The following CCNB1 variants were observed in gnomAD, a reference collection of about 807,000 sequenced individuals.
CCNB1 encodes cyclin B1, also known as G2/mitotic-specific cyclin-B1.
Under a neutral mutation model 44.4 loss-of-function variants are expected in CCNB1, and 26 were observed. The ratio of observed to expected loss-of-function variants is 0.59; its 90% CI spans 0.43 to 0.81. The LOEUF is 0.81. Among genes scored for constraint, CCNB1 ranks in the 40% least tolerant of loss-of-function variants. The pLI is 0.00. For missense variants in CCNB1, 477 were observed against 520.9 expected (o/e 0.92, Z 0.82); for synonymous variants, 195 against 181.4 (o/e 1.08, Z -0.60).
chr5:69,171,474 T>C lies in CCNB1; in HGVS notation c.546+22T>C, dbSNP rs1747458764. The C allele has an allele frequency of 2.6e-6, 4 of 1,519,704 alleles. No individual in the cohort carries two copies. The East Asian group carries it at 9.1e-5, about 35-fold the overall frequency. The allele number at this position is 1,519,704 out of a possible 1,614,324, so 94.1% of individuals were successfully genotyped here. On this transcript the variant is annotated intron_variant, in intron 4 of 8. Transcript: ENST00000256442. ...TGAGGTAAGTATTATCATTCGTTTT[T>C]TTTCTAAACTGCATCTAACTTTATG...
chr5:69,172,642 A>G lies in CCNB1; in HGVS notation c.546+1190A>G, dbSNP rs1428189492. On this transcript the variant is annotated intron_variant, in intron 4 of 8. Transcript: ENST00000256442. ...CCTTTTTGGCCTCTCCTTTTTCTATAGGATTCTTCTGCAAGACTTCTTTGC... is the reference window on the plus strand; with the variant it reads ...CCTTTTTGGCCTCTCCTTTTTCTATGGGATTCTTCTGCAAGACTTCTTTGC... Among the ~76,000 whole-genome samples, 3 of 151,934 alleles carry G rather than the reference A, an allele frequency of 2.0e-5. No individual in the cohort carries two copies. In the East Asian group the frequency reaches 5.8e-4, roughly 29 times the overall value.
chr5:69,173,710 G>A lies in CCNB1; in HGVS notation c.547-541G>A, dbSNP rs147633887. On this transcript the variant is annotated intron_variant, in intron 4 of 8. Coordinates refer to ENST00000256442, the MANE Select transcript of CCNB1 (RefSeq NM_031966.4). ...AGCAGCAGTTGTGGTGAAGAATATC[G>A]TAAGACCTGACAATATAAAAAAGCT... 5.3e-5 allele frequency among the ~76,000 whole-genome samples: 8 copies of A among 152,116 alleles called. No homozygotes were observed. The East Asian group carries it at 1.2e-3, about 22-fold the overall frequency.
rs527340846 is a variant in CCNB1, at chr5:69,175,120, G to A, written c.942+7G>A. The A allele has an allele frequency of 1.2e-6, 2 of 1,600,572 alleles. No homozygotes were observed. Among genetic ancestry groups the A allele is most frequent in the East Asian group, 4.5e-5 (2 of 44,820 alleles). On this transcript the variant is annotated splice_region_variant and intron_variant, in intron 6 of 8. Transcript: ENST00000256442. The stretch of plus-strand genomic sequence containing the variant: ...AGCATCTAAGATTGGAGAGGTACAG[G>A]TTTCTTGAGAAACCTCTCCGTATGG...
intron 7 of CCNB1, among the ~76,000 whole-genome samples, chr5:69,176,855 T>C (rs949453189): frequency 6.6e-6 from 1 of 151,766 alleles, no homozygotes; most frequent in Non-Finnish European, 1.5e-5. Flanking sequence ...AGTGCGCGCC[T>C]GTAATCCCAG....
Position 69,167,171 on chromosome 5 carries a change from T to C in CCNB1, c.-92T>C. Reference sequence around the variant, plus strand: ...TCTCGGCGTGCTGCGGCGGAACGGCTGTTGGTTTCTGCTGGGTGTAGGTCC... The same window carrying C: ...TCTCGGCGTGCTGCGGCGGAACGGCCGTTGGTTTCTGCTGGGTGTAGGTCC... On this transcript the variant is annotated 5_prime_UTR_variant, in exon 1 of 9. Transcript: ENST00000256442. 9.4e-7 allele frequency: 1 copy of C among 1,066,328 alleles called. No individual in the cohort carries two copies. 66.1% of individuals were successfully genotyped at this position (1,066,328 alleles called of 1,614,324 possible).
chr5:69,173,231 A>G (rs3846484), intron 4 of CCNB1, among the ~76,000 whole-genome samples: 25,125 of 152,128 alleles, frequency 0.17, 2,373 homozygotes, highest in African/African-American at 0.25. Flanking sequence ...ATTTACAGAC[A>G]TAAGTATGGT....
At chr5:69,176,438 C>G (rs1252265226) in intron 7 of CCNB1, among the ~76,000 whole-genome samples, 2 of 151,784 alleles carry the variant, frequency 1.3e-5, no homozygotes, top group South Asian at 2.1e-4. Context: ...CTCACTGCAA[C>G]CTCCGCCTCC....
chr5:69,175,132 A>C lies in CCNB1; in HGVS notation c.942+19A>C, dbSNP rs758362213. The C allele has an allele frequency of 6.4e-7, 1 of 1,551,306 alleles. No homozygotes were observed. Among genetic ancestry groups the C allele is most frequent in the Non-Finnish European group, 8.9e-7 (1 of 1,125,492 alleles). ...TGGAGAGGTACAGGTTTCTTGAGAA[A>C]CCTCTCCGTATGGGTACATTAGGGG... is the stretch of plus-strand genomic sequence containing the variant. On this transcript the variant is annotated intron_variant, in intron 6 of 8. Coordinates refer to ENST00000256442, the MANE Select transcript of CCNB1 (RefSeq NM_031966.4).
At position 69,175,048 on chromosome 5, in the gene CCNB1, T is replaced by A. The variant is rs1381098282; in HGVS notation, c.877T>A (p.Leu293Ile). Residue 293 changes from leucine to isoleucine, a missense_variant, in exon 6 of 9, where the codon TTA (leucine) becomes ATA (isoleucine). Coordinates refer to ENST00000256442, the MANE Select transcript of CCNB1 (RefSeq NM_031966.4). ...RQMEMKILRA[L>I]NFGLGRPLPL... ...GATGGAAATGAAGATTCTAAGAGCT[T>A]TAAACTTTGGTCTGGGTCGGCCTCT... 1 of 1,614,168 alleles carries A rather than the reference T, an allele frequency of 6.2e-7. No homozygotes were observed. The highest frequency in any genetic ancestry group is 1.7e-5 in the Admixed American group (1 of 60,014).
At chr5:69,170,249 G>A (rs1393381127) in intron 3 of CCNB1, among the ~76,000 whole-genome samples, 29 of 152,066 alleles carry the variant, frequency 1.9e-4, no homozygotes, top group Admixed American at 1.9e-3. Flanking sequence ...CCAAAGTGCT[G>A]GGATTACAAG....
chr5:69,175,171 G>A, intron 6 of CCNB1, 58 bp downstream of exon 6: 1 of 1,294,260 alleles, frequency 7.7e-7, no homozygotes, highest in Non-Finnish European at 1.1e-6. Context: ...CACTGCTGCT[G>A]ACCAAGCACG....
intron 3 of CCNB1, among the ~76,000 whole-genome samples, 196 bp from the exon 4 acceptor site, chr5:69,171,074 A>G (rs1383667789): frequency 6.6e-6 from 1 of 152,136 alleles, no homozygotes; most frequent in Admixed American, 6.6e-5. Context: ...GCCCAACCCA[A>G]ATGATCACTT....
At chr5:69,168,389 C>T (rs1162043957) in intron 3 of CCNB1, 46 bp downstream of exon 3, 1 of 1,606,348 alleles carries the variant, frequency 6.2e-7, no homozygotes, top group East Asian at 2.2e-5. Flanking sequence ...TATTTCTTGT[C>T]CCTTATTTCA....
rs770115345 is a variant in CCNB1 at position 69,171,259 on chromosome 5, T to G, written c.364-11T>G. On this transcript the variant is annotated splice_polypyrimidine_tract_variant and intron_variant, in intron 3 of 8. Transcript: ENST00000256442. ...TCTATTTGCTATTTCAAGATATCTC[T>G]TTGTTTCAAGGTTGATACTGCCTCT... 6.3e-6 allele frequency: 10 copies of G among 1,596,780 alleles called. No individual in the cohort carries two copies. The highest frequency in any genetic ancestry group is 3.4e-6 in the Non-Finnish European group (4 of 1,172,944).
intron 3 of CCNB1, among the ~76,000 whole-genome samples, 177 bp downstream of exon 3, chr5:69,168,520 C>T (rs905127567): frequency 8.1e-6 from 1 of 122,720 alleles, no homozygotes; most frequent in African/African-American, 3.1e-5. Context: ...TTTACACGTA[C>T]TCTCTGAGGT....
At chr5:69,169,013 T>C (rs966366142) in intron 3 of CCNB1, among the ~76,000 whole-genome samples, 1 of 152,220 alleles carries the variant, frequency 6.6e-6, no homozygotes, top group Non-Finnish European at 1.5e-5. Context: ...GAAATTGCAA[T>C]GAACTGTATT....
Position 69,177,689 on chromosome 5 carries a change from C to G in CCNB1, c.*58C>G. The G allele has an allele frequency of 5.1e-6, 5 of 985,364 alleles. No individual in the cohort carries two copies. The South Asian group carries it at 5.4e-5, about 11-fold the overall frequency. 61.0% of individuals were successfully genotyped at this position (985,364 alleles called of 1,614,324 possible). ...AAATAAAATTGGCACCATGTGCCAT[C>G]TGTACATATTACTGTTGCATTTACT... On this transcript the variant is annotated 3_prime_UTR_variant, in exon 9 of 9. Coordinates refer to ENST00000256442, the MANE Select transcript of CCNB1 (RefSeq NM_031966.4).
chr5:69,173,790 G>A (rs1747516803), intron 4 of CCNB1, among the ~76,000 whole-genome samples: 1 of 151,740 alleles, frequency 6.6e-6, no homozygotes, highest in South Asian at 2.1e-4. Context: ...TTGGGGTGGG[G>A]AGACAGTCTC....
At chr5:69,169,896 C>T (rs1202668998) in intron 3 of CCNB1, among the ~76,000 whole-genome samples, 7 of 150,220 alleles carry the variant, frequency 4.7e-5, no homozygotes, top group East Asian at 2.0e-4. Flanking sequence ...GTGATCCACC[C>T]GCCTCAGCCT....
Sources: gnomAD v4.1 joint callset for allele counts (sites outside exome capture counted in the v4.1 genomes callset) on GRCh38, gnomAD v4.1.1 for gene constraint, MANE v1.5 for transcripts, NCBI Gene and HGNC (gene_info 2026-07-23, HGNC 2026-07-21) for gene names.